The following SOX13 variants were observed in gnomAD, a reference collection of about 807,000 sequenced individuals.
SOX13 encodes SRY-box transcription factor 13.
Under a neutral mutation model 71.8 loss-of-function variants are expected in SOX13, and 28 were observed. The observed-to-expected ratio is 0.39, with a 90% confidence interval of 0.29 to 0.53. SOX13 has a LOEUF of 0.53. Among genes scored for constraint, SOX13 ranks in the 20% least tolerant of loss-of-function variants. The pLI is 0.70. For missense variants in SOX13, 627 were observed against 810.3 expected (o/e 0.77, Z 2.75); for synonymous variants, 309 against 317.8 (o/e 0.97, Z 0.29).
chr1:204,080,216 T>C (rs889618649), intron 1 of SOX13, among the ~76,000 whole-genome samples: 1 of 152,138 alleles, frequency 6.6e-6, no homozygotes, highest in East Asian at 1.9e-4. Context: ...CCCTCCACTC[T>C]CCCCCCAGCG....
At chr1:204,100,583 T>C (rs1656341508) in intron 1 of SOX13, among the ~76,000 whole-genome samples, 1 of 152,148 alleles carries the variant, frequency 6.6e-6, no homozygotes, top group African/African-American at 2.4e-5. Flanking sequence ...CAGCCACCCA[T>C]AAATAAAGAG....
intron 1 of SOX13, among the ~76,000 whole-genome samples, chr1:204,076,096 C>T (rs981133801): frequency 8.5e-5 from 13 of 152,130 alleles, no homozygotes; most frequent in African/African-American, 3.1e-4. Flanking sequence ...TTCCTTTCTC[C>T]CTCCCTTCAC....
chr1:204,116,293 G>A, intron 4 of SOX13: 4 of 1,520,864 alleles, frequency 2.6e-6, no homozygotes, highest in Non-Finnish European at 3.5e-6. Flanking sequence ...ATGGCTAATA[G>A]GGGAGAACTT....
At chr1:204,097,704 A>AG (rs1656280239) in intron 1 of SOX13, among the ~76,000 whole-genome samples, 1 of 151,584 alleles carries the variant, frequency 6.6e-6, no homozygotes, top group Non-Finnish European at 1.5e-5. Flanking sequence ...AAAAAAAAAA[A>AG]AAAAGAAAAG....
chr1:204,092,808 G>A (rs1656173781), intron 1 of SOX13, among the ~76,000 whole-genome samples: 1 of 152,118 alleles, frequency 6.6e-6, no homozygotes, highest in South Asian at 2.1e-4. Flanking sequence ...TGTGTGGTGG[G>A]GACAGGCACT....
intron 1 of SOX13, among the ~76,000 whole-genome samples, chr1:204,095,107 C>T (rs114227843): frequency 0.01 from 1,538 of 152,278 alleles, 29 homozygotes; most frequent in African/African-American, 0.034. Context: ...CCTCCTTCCA[C>T]GGCCCTGAGC....
chr1:204,102,044 C>CTAG (rs1413174246), intron 1 of SOX13, among the ~76,000 whole-genome samples: 1 of 152,186 alleles, frequency 6.6e-6, no homozygotes, highest in Non-Finnish European at 1.5e-5. Flanking sequence ...AACTAGTTGG[C>CTAG]TAGTTAAGAC....
intron 1 of SOX13, among the ~76,000 whole-genome samples, chr1:204,091,526 AC>A (rs1656143867): frequency 6.6e-6 from 1 of 152,206 alleles, no homozygotes; most frequent in African/African-American, 2.4e-5. Context: ...AGGGGATCAG[AC>A]CCCACCCTCA....
rs770745439 is a variant in SOX13 at position 204,122,363 on chromosome 1, C to A, written c.988C>A (p.Arg330=). ...CCCCCCCAGCCATGGAGGCCCCACG[C>A]GGGACCTGCAGTCCAGCCCCCCGAG... The part of the protein sequence containing the change: ...PRPPSHGGPT[R]DLQSSPPSLP... Residue 330 remains arginine (R), a synonymous_variant, in exon 9 of 14, where the codon CGG becomes AGG. Transcript: ENST00000367204. 3 of 1,562,274 alleles carry A rather than the reference C, an allele frequency of 1.9e-6. No homozygotes were observed. The highest frequency in any genetic ancestry group is 1.4e-5 in the African/African-American group (1 of 73,356).
At chr1:204,097,811 C>T (rs1443806359) in intron 1 of SOX13, among the ~76,000 whole-genome samples, 2 of 151,954 alleles carry the variant, frequency 1.3e-5, no homozygotes, top group African/African-American at 4.8e-5. Flanking sequence ...ATGGCCACCT[C>T]CTGGATGGAT....
chr1:204,084,540 C>G (rs2102224976), intron 1 of SOX13, among the ~76,000 whole-genome samples: 1 of 152,204 alleles, frequency 6.6e-6, no homozygotes, highest in East Asian at 1.9e-4. Context: ...TGGGAGCAGG[C>G]TGGGCCTAGC....
At position 204,115,098 on chromosome 1, in the gene SOX13, A is replaced by G. The variant is rs554885780; in HGVS notation, c.418+493A>G. 3.4e-4 allele frequency among the ~76,000 whole-genome samples: 51 copies of G among 151,604 alleles called. No homozygotes were observed. The South Asian group carries it at 0.01, about 30-fold the overall frequency. ...ACAATCTTGGCTCACTGCAGCCTCAACCTCCTGCATGATCCTCCTATCTCA... is the reference window on the plus strand; with the variant it reads ...ACAATCTTGGCTCACTGCAGCCTCAGCCTCCTGCATGATCCTCCTATCTCA... On this transcript the variant is annotated intron_variant, in intron 4 of 13. Coordinates refer to ENST00000367204, the MANE Select transcript of SOX13 (RefSeq NM_005686.3).
rs766956376 is a variant in SOX13 at position 204,126,071 on chromosome 1, C to T, written c.1806C>T (p.Ser602=). 3.7e-6 allele frequency: 6 copies of T among 1,613,636 alleles called. No individual in the cohort carries two copies. The highest frequency in any genetic ancestry group is 1.6e-4 in the Middle Eastern group (1 of 6,084). Residue 602 remains serine (S), a synonymous_variant, in exon 14 of 14, where the codon AGC becomes AGT. Transcript: ENST00000367204. ...SVADGEMYRY[S]EDEDSEGEEK... ...CTGATGGCGAGATGTACCGGTACAG[C>T]GAGGACGAGGACTCGGAGGGCGAAG...
At position 204,126,616 on chromosome 1, in the gene SOX13, G is replaced by C. The variant is rs1193276348; in HGVS notation, c.*482G>C. 5.5e-6 allele frequency: 1 copy of C among 182,894 alleles called. No homozygotes were observed. The highest frequency in any genetic ancestry group is 1.2e-5 in the Non-Finnish European group (1 of 86,108). 11.3% of individuals were successfully genotyped at this position (182,894 alleles called of 1,614,324 possible). Reference sequence around the variant, plus strand: ...CAAAAGGGTCTGGCTGTCCCTTGCTGTTTTCATCTCTGCCAAGCCTATTGT... The same window carrying C: ...CAAAAGGGTCTGGCTGTCCCTTGCTCTTTTCATCTCTGCCAAGCCTATTGT... On this transcript the variant is annotated 3_prime_UTR_variant, in exon 14 of 14. Coordinates refer to ENST00000367204, the MANE Select transcript of SOX13 (RefSeq NM_005686.3).
At chr1:204,104,432 A>G (rs1281504732) in intron 1 of SOX13, among the ~76,000 whole-genome samples, 1 of 152,236 alleles carries the variant, frequency 6.6e-6, no homozygotes, top group Admixed American at 6.5e-5. Context: ...GGGTGTAGCC[A>G]GGAAGGGTGG....
chr1:204,094,159 G>A (rs1039520762), intron 1 of SOX13, among the ~76,000 whole-genome samples: 2 of 152,216 alleles, frequency 1.3e-5, no homozygotes, highest in Admixed American at 1.3e-4. Context: ...ACTGTGCCGA[G>A]TCTCCTAGGG....
In SOX13 at chr1:204,114,381, G is replaced by A; in HGVS notation, c.280G>A (p.Ala94Thr). 1 of 1,612,472 alleles carries A rather than the reference G, an allele frequency of 6.2e-7. No individual in the cohort carries two copies. Among genetic ancestry groups the A allele is most frequent in the South Asian group, 1.1e-5 (1 of 90,658 alleles). The part of the protein sequence containing the change: ...PEPKRPGVSE[A>T]ASGSQEKLDF... ...ACCCAAGAGACCAGGAGTGTCGGAG[G>A]CTGCCTCTGGAAGCCAGGAGAAGCT... is the stretch of plus-strand genomic sequence containing the variant. Residue 94 changes from alanine (A) to threonine (T), a missense_variant, in exon 3 of 14, where the codon GCT (alanine) becomes ACT (threonine). By Grantham distance (58) the Ala-to-Thr change is moderately conservative (BLOSUM62 0). This residue lies in a region of SOX13 where 447 missense variants were observed against 532.2 expected (regional missense o/e 0.84). Coordinates refer to ENST00000367204, the MANE Select transcript of SOX13 (RefSeq NM_005686.3).
intron 1 of SOX13, among the ~76,000 whole-genome samples, chr1:204,080,122 T>C (rs1655872563): frequency 6.6e-6 from 1 of 152,190 alleles, no homozygotes; most frequent in Admixed American, 6.5e-5. Context: ...CTGCCACCTT[T>C]CTTCCCAAAT....
intron 1 of SOX13, among the ~76,000 whole-genome samples, chr1:204,112,550 C>G (rs1656602667): frequency 2.0e-5 from 3 of 152,014 alleles, no homozygotes; most frequent in Admixed American, 2.0e-4. Context: ...CGCTGTCGCT[C>G]TCCAACTCTG....
Sources: gnomAD v4.1 joint callset for allele counts (sites outside exome capture counted in the v4.1 genomes callset) on GRCh38, gnomAD v4.1.1 for gene constraint, gnomAD v4.1.1 regional missense constraint, MANE v1.5 for transcripts, NCBI Gene and HGNC (gene_info 2026-07-23, HGNC 2026-07-21) for gene names.